ERI1: variants seen among roughly 807,000 people sequenced by gnomAD.
ERI1 encodes the protein 3'-5' exoribonuclease 1.
In ERI1, 39 loss-of-function variants were observed where a neutral mutation model predicts 39.7. The observed-to-expected ratio is 0.98, with a 90% CI of 0.76 to 1.28. The LOEUF (loss-of-function observed/expected upper bound fraction) is 1.28. ERI1 is among the 50% of genes most tolerant of loss of function. ERI1 has a pLI of 0.00. For missense variants in ERI1, 581 were observed against 416.9 expected, an observed-to-expected ratio of 1.39 and a Z score of -3.43; for synonymous variants, 204 against 149.6, an observed-to-expected ratio of 1.36 and a Z score of -2.65.
intron 3 of ERI1, among the ~76,000 whole-genome samples, chr8:9,066,055 T>C (rs575990139): frequency 6.6e-6 from 1 of 152,182 alleles, no homozygotes; most frequent in Admixed American, 6.5e-5. Flanking sequence ...TGCTTTGCGA[T>C]ATCAACACCA....
intron 3 of ERI1, among the ~76,000 whole-genome samples, chr8:9,092,550 G>A (rs982258892): frequency 2.0e-5 from 3 of 152,158 alleles, no homozygotes; most frequent in East Asian, 1.9e-4. Flanking sequence ...TGAAGATTAC[G>A]GGGAATCAAA....
intron 3 of ERI1, among the ~76,000 whole-genome samples, chr8:9,082,257 C>T (rs373329167): frequency 6.6e-6 from 1 of 152,186 alleles, no homozygotes; most frequent in Non-Finnish European, 1.5e-5. Flanking sequence ...TTTCCTCTTA[C>T]TCCTTTTACC....
At chr8:9,062,428 C>A (rs1279505158) in intron 3 of ERI1, among the ~76,000 whole-genome samples, 1 of 151,220 alleles carries the variant, frequency 6.6e-6, no homozygotes, top group African/African-American at 2.4e-5. Context: ...GGGAACCGGG[C>A]AGGTGGGGAT....
chr8:9,030,047 G>GT lies in ERI1; in HGVS notation c.*14dup, dbSNP rs1415996469. 2.5e-6 allele frequency: 4 copies of GT among 1,611,380 alleles called. No individual in the cohort carries two copies. The highest frequency in any genetic ancestry group is 3.4e-6 in the Non-Finnish European group (4 of 1,177,678). On this transcript the variant is annotated 3_prime_UTR_variant, in exon 7 of 7. Coordinates refer to ENST00000250263, the MANE Select transcript of ERI1 (RefSeq NM_153332.4). The stretch of plus-strand genomic sequence containing the variant: ...TTTTAGAAAGTAACAACAGTTTTGT[G>GT]TGTGGATCATTCCAATTGAAGTTGC...
Position 9,008,299 on chromosome 8 carries a change from G to C in ERI1, c.287+151G>C, listed in dbSNP as rs898505271. On this transcript the variant is annotated intron_variant, in intron 2 of 6. Coordinates refer to ENST00000250263, the MANE Select transcript of ERI1 (RefSeq NM_153332.4). Reference sequence around the variant, plus strand: ...ACAAAAACTAATTAACATTTTTTATGTGCAACTCTGATTATTTTTGTCTGT... The same window carrying C: ...ACAAAAACTAATTAACATTTTTTATCTGCAACTCTGATTATTTTTGTCTGT... The C allele has an allele frequency of 5.3e-5, 37 of 704,614 alleles. No individual in the cohort carries two copies. In the East Asian group the frequency reaches 9.0e-4, roughly 17 times the overall value. The allele number at this position is 704,614 out of a possible 1,614,324, so 43.6% of individuals were successfully genotyped here.
At chr8:9,015,740 A>AAAG (rs1182633803) in intron 3 of ERI1, among the ~76,000 whole-genome samples, 5 of 148,410 alleles carry the variant, frequency 3.4e-5, no homozygotes, top group African/African-American at 1.3e-4. Flanking sequence ...AAAAAAAAAA[A>AAAG]AGAGACCATC....
At chr8:9,098,395 C>T (rs531740520) in intron 3 of ERI1, among the ~76,000 whole-genome samples, 1 of 152,310 alleles carries the variant, frequency 6.6e-6, no homozygotes, top group South Asian at 2.1e-4. Context: ...GTAGCTTGAG[C>T]TGTAATCTCA....
chr8:9,096,266 G>C (rs763759139), intron 3 of ERI1, among the ~76,000 whole-genome samples: 1 of 152,162 alleles, frequency 6.6e-6, no homozygotes, highest in Non-Finnish European at 1.5e-5. Context: ...GGTCCTCTAA[G>C]GGTTTCCTGC....
chr8:9,064,915 G>A (rs186709294), intron 3 of ERI1, among the ~76,000 whole-genome samples: 2 of 152,260 alleles, frequency 1.3e-5, no homozygotes. Flanking sequence ...AGACAGGGGT[G>A]GGGCTGTTTT....
intron 3 of ERI1, among the ~76,000 whole-genome samples, chr8:9,090,774 A>G (rs546653396): frequency 6.6e-6 from 1 of 152,338 alleles, no homozygotes; most frequent in South Asian, 2.1e-4. Flanking sequence ...ACACAAGATC[A>G]AAAAACAACA....
chr8:9,053,854 C>T (rs1426911624), intron 3 of ERI1, among the ~76,000 whole-genome samples: 1 of 152,218 alleles, frequency 6.6e-6, no homozygotes, highest in African/African-American at 2.4e-5. Context: ...CAGCCAAGTC[C>T]TCTATTGCCT....
chr8:9,008,287 A>G, intron 2 of ERI1, 139 bp downstream of exon 2: 1 of 753,774 alleles, frequency 1.3e-6, no homozygotes, highest in Non-Finnish European at 2.0e-6. Context: ...AAAACTAATT[A>G]ACATTTTTTA....
intron 3 of ERI1, among the ~76,000 whole-genome samples, chr8:9,089,748 G>C (rs1799646840): frequency 6.6e-6 from 1 of 152,158 alleles, no homozygotes. Flanking sequence ...GATGCCTTGG[G>C]TTTTTGTTGT....
intron 3 of ERI1, among the ~76,000 whole-genome samples, chr8:9,046,847 G>C (rs1180064166): frequency 6.6e-6 from 1 of 152,218 alleles, no homozygotes; most frequent in Non-Finnish European, 1.5e-5. Flanking sequence ...CCCTTGGGAA[G>C]AGGAAATACA....
At chr8:9,065,455 G>A (rs1798842400) in intron 3 of ERI1, among the ~76,000 whole-genome samples, 1 of 152,040 alleles carries the variant, frequency 6.6e-6, no homozygotes, top group African/African-American at 2.4e-5. Flanking sequence ...CAGCACTTTG[G>A]GAGGCTGAGG....
chr8:9,015,215 TTAG>T (rs1217038170), intron 3 of ERI1, among the ~76,000 whole-genome samples: 2 of 152,200 alleles, frequency 1.3e-5, no homozygotes, highest in Admixed American at 6.5e-5. Flanking sequence ...ACTTAATAGA[TTAG>T]TAGGTAGAAA....
At chr8:9,022,779 A>G (rs1447107009) in intron 6 of ERI1, among the ~76,000 whole-genome samples, 1 of 152,190 alleles carries the variant, frequency 6.6e-6, no homozygotes, top group African/African-American at 2.4e-5. Flanking sequence ...TTTCAAACAT[A>G]ACAGAAATAG....
At chr8:9,049,178 A>G (rs549030146) in intron 3 of ERI1, among the ~76,000 whole-genome samples, 289 of 151,734 alleles carry the variant, frequency 1.9e-3, no homozygotes, top group African/African-American at 6.8e-3. Context: ...TCTACTAAAA[A>G]TACAAAAATT....
chr8:9,025,927 G>C (rs1271836950), intron 6 of ERI1, among the ~76,000 whole-genome samples: 2 of 152,066 alleles, frequency 1.3e-5, no homozygotes, highest in Non-Finnish European at 2.9e-5. Flanking sequence ...CTGAAGTTAA[G>C]TTTCATACAG....
Sources: allele counts gnomAD v4.1 joint callset (sites outside exome capture counted in the v4.1 genomes callset), GRCh38; gene constraint gnomAD v4.1.1; transcripts MANE v1.5; gene names NCBI Gene and HGNC (gene_info 2026-07-23, HGNC 2026-07-21).